The following TEX9 variants were observed in gnomAD, a reference collection of about 807,000 sequenced individuals.
TEX9 encodes the protein testis-expressed protein 9.
TEX9 carries 74 observed loss-of-function variants against 59.6 expected under a neutral mutation model. The observed-to-expected ratio is 1.24, with a 90% CI of 1.03 to 1.51. The LOEUF (loss-of-function observed/expected upper bound fraction) is 1.51, where lower values mean the gene tolerates loss of function less well. Among genes scored for constraint, TEX9 ranks in the 40% most tolerant of loss-of-function variants. The pLI, the probability that TEX9 is intolerant of heterozygous loss-of-function variation, is 0.00. For missense variants in TEX9, 522 were observed against 447.8 expected (o/e 1.17, Z -1.49); for synonymous variants, 186 against 152.2 (o/e 1.22, Z -1.64).
chr15:56,419,677 T>G (rs1161456797), intron 10 of TEX9, among the ~76,000 whole-genome samples: 1 of 151,912 alleles, frequency 6.6e-6, no homozygotes, highest in Non-Finnish European at 1.5e-5. Context: ...CTAGTCTGTT[T>G]AGTCTGTAGT....
chr15:56,348,095 G>A (rs1338451206), intron 1 of TEX9, among the ~76,000 whole-genome samples: 1 of 152,036 alleles, frequency 6.6e-6, no homozygotes, highest in African/African-American at 2.4e-5. Context: ...TTGTGATATT[G>A]TGTTATAATT....
chr15:56,371,908 A>C (rs934467090), intron 2 of TEX9, among the ~76,000 whole-genome samples: 4 of 152,182 alleles, frequency 2.6e-5, no homozygotes, highest in Admixed American at 2.0e-4. Flanking sequence ...TCTGTGTTTC[A>C]CAGGTGTATC....
intron 12 of TEX9, chr15:56,434,411 GA>G: frequency 1.3e-6 from 2 of 1,596,094 alleles, no homozygotes; most frequent in Non-Finnish European, 8.5e-7. Flanking sequence ...CAATACAGCT[GA>G]AAGTTAATTT....
At chr15:56,454,533 C>T in the TEX9 span, among the ~76,000 whole-genome samples, 2 of 152,052 alleles carry the variant, frequency 1.3e-5, no homozygotes, top group Non-Finnish European at 2.9e-5. Context: ...ATACTTCTTA[C>T]TGTTGTCTCT....
At chr15:56,335,887 G>A (rs1228326726) in intron 1 of TEX9, among the ~76,000 whole-genome samples, 5 of 152,092 alleles carry the variant, frequency 3.3e-5, no homozygotes, top group African/African-American at 7.2e-5. Flanking sequence ...ACTTATATAA[G>A]TTTAAATGCA....
chr15:56,367,791 C>G (rs2047013070), intron 2 of TEX9, among the ~76,000 whole-genome samples: 2 of 151,990 alleles, frequency 1.3e-5, no homozygotes, highest in African/African-American at 4.8e-5. Context: ...TGAATAGTTG[C>G]TATATAATAA....
intron 12 of TEX9, among the ~76,000 whole-genome samples, chr15:56,443,038 T>G (rs2050846292): frequency 6.6e-6 from 1 of 152,202 alleles, no homozygotes. Flanking sequence ...CTATGACATC[T>G]TCTAGATGAA....
At chr15:56,394,744 A>G in exon 9 of TEX9, 1 of 1,612,454 alleles carries the variant, frequency 6.2e-7, no homozygotes, top group South Asian at 1.1e-5. Flanking sequence ...TTAATATGCA[A>G]CAGTCTCAAG....
At chr15:56,419,373 G>A (rs1402014711) in intron 10 of TEX9, among the ~76,000 whole-genome samples, 1 of 151,642 alleles carries the variant, frequency 6.6e-6, no homozygotes, top group Non-Finnish European at 1.5e-5. Context: ...TTCTTCACTG[G>A]TTTTCTTTTT....
intron 9 of TEX9, among the ~76,000 whole-genome samples, chr15:56,406,027 C>T (rs1018857013): frequency 6.6e-6 from 1 of 151,778 alleles, no homozygotes; most frequent in Admixed American, 6.6e-5. Flanking sequence ...ATTAATATTC[C>T]CTCATAACTA....
At chr15:56,257,869 C>G (rs1385740964) in intron 1 of TEX9, among the ~76,000 whole-genome samples, 1 of 151,966 alleles carries the variant, frequency 6.6e-6, no homozygotes, top group African/African-American at 2.4e-5. Flanking sequence ...TTGCCTATGC[C>G]TATGTCCTGA....
chr15:56,290,983 T>C (rs2141502914), intron 1 of TEX9, among the ~76,000 whole-genome samples: 1 of 152,340 alleles, frequency 6.6e-6, no homozygotes, highest in South Asian at 2.1e-4. Context: ...TAAGCTTTTA[T>C]GTTTCCCTTT....
rs781242701 is a variant in TEX9 at position 56,434,282 on chromosome 15, A to G, written c.*29+5809A>G. On this transcript the variant is annotated intron_variant, in intron 12 of 12. Coordinates refer to ENST00000352903, the Ensembl canonical transcript of TEX9. ...CAAATTTAGCTAGCATAGTTTTTCT[A>G]AAGTTCTCCTCTTCCTCTTTTGCAG... The G allele has an allele frequency of 2.5e-6, 4 of 1,613,942 alleles. No individual in the cohort carries two copies. The Admixed American group carries it at 6.7e-5, about 27-fold the overall frequency.
intron 2 of TEX9, among the ~76,000 whole-genome samples, chr15:56,370,134 T>C (rs1430453475): frequency 1.3e-5 from 2 of 152,168 alleles, no homozygotes; most frequent in Admixed American, 6.5e-5. Context: ...TTATTTTTTA[T>C]ATTTTCTATT....
chr15:56,411,470 A>T (rs1473989018), intron 9 of TEX9, among the ~76,000 whole-genome samples: 1 of 152,122 alleles, frequency 6.6e-6, no homozygotes, highest in East Asian at 1.9e-4. Context: ...GTCCTGGGAG[A>T]GCTAATGCCC....
At chr15:56,389,865 A>G (rs1268917175) in intron 6 of TEX9, among the ~76,000 whole-genome samples, 3 of 151,974 alleles carry the variant, frequency 2.0e-5, no homozygotes, top group Non-Finnish European at 2.9e-5. Context: ...TTTGGGTGAG[A>G]AAGAATTCAA....
chr15:56,412,524 A>T (rs1024412965), intron 10 of TEX9, 88 bp downstream of exon 10: 1 of 1,336,440 alleles, frequency 7.5e-7, no homozygotes, highest in Middle Eastern at 2.7e-4. Flanking sequence ...TTAAATTATA[A>T]TTCTTGATGT....
At chr15:56,403,713 A>G (rs527504184) in intron 9 of TEX9, among the ~76,000 whole-genome samples, 6 of 152,312 alleles carry the variant, frequency 3.9e-5, no homozygotes, top group South Asian at 4.2e-4. Flanking sequence ...GAGGCATCAC[A>G]CTACCTGACT....
At chr15:56,248,533 G>A (rs1360614915) in intron 1 of TEX9, among the ~76,000 whole-genome samples, 1 of 152,152 alleles carries the variant, frequency 6.6e-6, no homozygotes, top group African/African-American at 2.4e-5. Flanking sequence ...CTCTTCAAGT[G>A]AGTAGTATGA....
Sources: allele counts gnomAD v4.1 joint callset (sites outside exome capture counted in the v4.1 genomes callset), GRCh38; gene constraint gnomAD v4.1.1; transcripts MANE v1.5; gene names NCBI Gene and HGNC (gene_info 2026-07-23, HGNC 2026-07-21).